The following KIDINS220 variants were observed in gnomAD, a reference collection of about 807,000 sequenced individuals.
KIDINS220 encodes kinase D-interacting substrate of 220 kDa.
In KIDINS220, 63 loss-of-function variants were observed where a neutral mutation model predicts 157.6. The ratio of observed to expected loss-of-function variants is 0.40; its 90% CI spans 0.33 to 0.49. KIDINS220 has a LOEUF of 0.49. Ranked by LOEUF, KIDINS220 falls within the 20% of genes least tolerant of loss-of-function variation. KIDINS220 has a pLI of 0.66. For missense variants in KIDINS220, 1,772 were observed against 2,171.2 expected (o/e 0.82, Z 3.65); for synonymous variants, 732 against 783.6 (o/e 0.93, Z 1.10).
At chr2:8,745,746 C>G (rs1666455242) in intron 26 of KIDINS220, among the ~76,000 whole-genome samples, 1 of 152,156 alleles carries the variant, frequency 6.6e-6, no homozygotes. Context: ...TTGCAGTGAG[C>G]TGAGATGGCA....
At chr2:8,778,543 C>T (rs890516030) in intron 20 of KIDINS220, 96 bp downstream of exon 20, 2 of 859,680 alleles carry the variant, frequency 2.3e-6, no homozygotes, top group Middle Eastern at 2.2e-4. Flanking sequence ...GCGTTTAATG[C>T]AATATTTACA....
intron 26 of KIDINS220, among the ~76,000 whole-genome samples, chr2:8,739,795 A>G (rs568163722): frequency 6.6e-6 from 1 of 152,368 alleles, no homozygotes; most frequent in South Asian, 2.1e-4. Flanking sequence ...AGCTGAATGC[A>G]GAAGATATTA....
Position 8,779,117 on chromosome 2 carries a change from C to T in KIDINS220, c.2393G>A (p.Gly798Asp), listed in dbSNP as rs781136973. ...ACTTGCAAAAATGGCAATGAACGGGCCTTTTGAAAACAGAACTCGGACCTG... is the reference window on the plus strand; with the variant it reads ...ACTTGCAAAAATGGCAATGAACGGGTCTTTTGAAAACAGAACTCGGACCTG... The part of the protein sequence containing the change: ...LDTVRVLFSK[G>D]PFIAIFASDP... Residue 798 changes from glycine to aspartate, a missense_variant, in exon 19 of 30, where the codon GGC (glycine) becomes GAC (aspartate). Gly to Asp is a moderately conservative substitution (Grantham distance 94). Coordinates refer to ENST00000256707, the MANE Select transcript of KIDINS220 (RefSeq NM_020738.4). 2.5e-6 allele frequency: 4 copies of T among 1,613,376 alleles called. No individual in the cohort carries two copies. The highest frequency in any genetic ancestry group is 2.2e-5 in the East Asian group (1 of 44,898).
intron 14 of KIDINS220, among the ~76,000 whole-genome samples, chr2:8,789,183 T>C (rs1002899988): frequency 1.7e-4 from 26 of 152,146 alleles, no homozygotes; most frequent in African/African-American, 6.3e-4. Context: ...ATATTATATT[T>C]TTTTTATTTT....
intron 17 of KIDINS220, among the ~76,000 whole-genome samples, chr2:8,783,680 C>T (rs1396274791): frequency 6.6e-6 from 1 of 152,034 alleles, no homozygotes; most frequent in Non-Finnish European, 1.5e-5. Flanking sequence ...ATATCAGCGT[C>T]AAACATGAAA....
intron 20 of KIDINS220, among the ~76,000 whole-genome samples, chr2:8,777,595 T>C (rs1022018828): frequency 5.9e-5 from 9 of 152,314 alleles, no homozygotes; most frequent in African/African-American, 2.2e-4. Flanking sequence ...GCACTGCACC[T>C]GGCCTGATGT....
At chr2:8,755,473 G>C (rs937868885) in intron 22 of KIDINS220, among the ~76,000 whole-genome samples, 1 of 152,096 alleles carries the variant, frequency 6.6e-6, no homozygotes, top group Non-Finnish European at 1.5e-5. Context: ...GAATACTGTC[G>C]CAACACTGTT....
intron 23 of KIDINS220, among the ~76,000 whole-genome samples, 199 bp downstream of exon 23, chr2:8,751,267 T>C (rs533260647): frequency 6.6e-6 from 1 of 151,706 alleles, no homozygotes; most frequent in African/African-American, 2.4e-5. Flanking sequence ...TTTTTTTTTT[T>C]TTTTGTTTTT....
At chr2:8,822,203 T>C (rs2148415152) in intron 2 of KIDINS220, among the ~76,000 whole-genome samples, 1 of 151,840 alleles carries the variant, frequency 6.6e-6, no homozygotes, top group East Asian at 1.9e-4. Flanking sequence ...TCTACTTATT[T>C]AAGTGTATGA....
rs1426460063 is a variant in KIDINS220 at position 8,731,644 on chromosome 2, C to A, written c.4392G>T (p.Gly1464=). The A allele has an allele frequency of 8.7e-6, 14 of 1,614,098 alleles. No individual in the cohort carries two copies. Among genetic ancestry groups the A allele is most frequent in the Non-Finnish European group, 1.2e-5 (14 of 1,180,020 alleles). Residue 1464 remains glycine, a synonymous_variant, in exon 30 of 30, where the codon GGG becomes GGT. Coordinates refer to ENST00000256707, the MANE Select transcript of KIDINS220 (RefSeq NM_020738.4). The surrounding 1 kb of genome is among the most constrained non-coding windows in gnomAD (Gnocchi z 5.2). ...RGDVIDYSSS[G]VSTNDASPLD... ...GGGGGGAAGCATCGTTGGTGGAAACCCCTGATGATGAATAATCGATAACAT... is the reference window on the plus strand; with the variant it reads ...GGGGGGAAGCATCGTTGGTGGAAACACCTGATGATGAATAATCGATAACAT...
chr2:8,770,622 TAACTCAACC>T, intron 22 of KIDINS220, 39 bp downstream of exon 22: 4 of 1,076,254 alleles, frequency 3.7e-6, no homozygotes, highest in Non-Finnish European at 4.0e-6. Flanking sequence ...TTTTTTTTTT[TAACTCAACC>T]TAAAATAAAG....
Position 8,747,952 on chromosome 2 carries a change from A to G in KIDINS220, c.3463T>C (p.Ser1155Pro), listed in dbSNP as rs1666812714. 2 of 1,606,044 alleles carry G rather than the reference A, an allele frequency of 1.2e-6. No homozygotes were observed. The highest frequency in any genetic ancestry group is 1.7e-6 in the Non-Finnish European group (2 of 1,176,760). The change falls in exon 25 of 30, where the codon TCC (serine) becomes CCC (proline). Residue 1155 changes from serine to proline, a missense_variant. Around this residue, in one of 3 missense-constraint regions of KIDINS220, gnomAD observed 793 missense variants for 885.5 expected, o/e 0.90. Coordinates refer to ENST00000256707, the MANE Select transcript of KIDINS220 (RefSeq NM_020738.4). Reference sequence around the variant, plus strand: ...GATGGACGTGAGATGAGATGTTGGGAGCCGCCAGGGTAATACCTTGGCGTG... The same window carrying G: ...GATGGACGTGAGATGAGATGTTGGGGGCCGCCAGGGTAATACCTTGGCGTG... ...LYTPRYYPGGSQHLISRPSVK... is the reference protein window; with the variant it reads ...LYTPRYYPGGPQHLISRPSVK...
Position 8,764,312 on chromosome 2 carries a change from T to C in KIDINS220, c.3011+6358A>G, listed in dbSNP as rs369192042. 4.6e-5 allele frequency among the ~76,000 whole-genome samples: 7 copies of C among 152,258 alleles called. No individual in the cohort carries two copies. The South Asian group carries it at 1.0e-3, about 23-fold the overall frequency. ...GGTACAATCCACACTACTTGGATAA[T>C]GGGTGCACTAAATCTCAGAATACAC... On this transcript the variant is annotated intron_variant, in intron 22 of 29. Transcript: ENST00000256707.
At chr2:8,799,069 T>C (rs1674345736) in intron 9 of KIDINS220, among the ~76,000 whole-genome samples, 1 of 152,014 alleles carries the variant, frequency 6.6e-6, no homozygotes, top group Non-Finnish European at 1.5e-5. Context: ...GCTGCCCAAC[T>C]CAAACTTCCC....
intron 26 of KIDINS220, among the ~76,000 whole-genome samples, chr2:8,743,137 G>C (rs902903963): frequency 2.0e-5 from 3 of 152,094 alleles, no homozygotes; most frequent in Admixed American, 6.5e-5. Context: ...GAAGGTAAAG[G>C]CACCAGTGAA....
Position 8,793,879 on chromosome 2 carries a change from C to T in KIDINS220, c.1207G>A (p.Ala403Thr), listed in dbSNP as rs1326075887. ...TCAATATTATAAGGAGTCTCGCCTG[C>T]TTTGTTGGGCCTATAAAGTAATCGC... ...DGRLLYRPNK[A>T]GETPYNIDCS... Residue 403 changes from alanine to threonine, a missense_variant, in exon 12 of 30, where the codon GCA becomes ACA. Coordinates refer to ENST00000256707, the MANE Select transcript of KIDINS220 (RefSeq NM_020738.4). 1 of 1,613,872 alleles carries T rather than the reference C, an allele frequency of 6.2e-7. No individual in the cohort carries two copies.
At chr2:8,827,950 T>C (rs1480038634) in intron 1 of KIDINS220, among the ~76,000 whole-genome samples, 1 of 152,192 alleles carries the variant, frequency 6.6e-6, no homozygotes, top group Non-Finnish European at 1.5e-5. Flanking sequence ...ACTCTGCATC[T>C]TTATCCAGCT....
intron 1 of KIDINS220, among the ~76,000 whole-genome samples, chr2:8,832,784 G>A (rs1679839776): frequency 1.3e-5 from 2 of 152,078 alleles, no homozygotes; most frequent in South Asian, 4.1e-4. Flanking sequence ...GGCTTAAAAC[G>A]AAGCTGTCTA....
downstream of KIDINS220, chr2:8,722,892 C>T (rs1295957262): frequency 1.3e-5 from 2 of 152,158 alleles, no homozygotes; most frequent in African/African-American, 2.4e-5. Context: ...AAATTTATTT[C>T]GTTTCTTGGA....
Sources: allele counts gnomAD v4.1 joint callset (sites outside exome capture counted in the v4.1 genomes callset), GRCh38; gene constraint gnomAD v4.1.1; regional missense constraint gnomAD v4.1.1; non-coding constraint Gnocchi (gnomAD v3.1); transcripts MANE v1.5; gene names NCBI Gene and HGNC (gene_info 2026-07-23, HGNC 2026-07-21).